The following DIP2C variants were observed in gnomAD, a reference collection of about 807,000 sequenced individuals.
DIP2C encodes the protein disco-interacting protein 2 homolog C.
Under a neutral mutation model 192.4 loss-of-function variants are expected in DIP2C, and 33 were observed. The observed-to-expected ratio is 0.17, with a 90% CI of 0.13 to 0.23. The LOEUF (loss-of-function observed/expected upper bound fraction) is 0.23. Ranked by LOEUF, DIP2C falls within the 10% of genes least tolerant of loss-of-function variation. DIP2C has a pLI of 1.00. For missense variants in DIP2C, 1,537 were observed against 2,110.1 expected (o/e 0.73, Z 5.32); for synonymous variants, 979 against 864.1 (o/e 1.13, Z -2.33).
chr10:574,425 CGAT>C (rs1399622229), intron 1 of DIP2C, among the ~76,000 whole-genome samples: 2 of 152,166 alleles, frequency 1.3e-5, no homozygotes, highest in Admixed American at 6.5e-5. Flanking sequence ...AACATGCTAA[CGAT>C]GAAGCAGAAG....
At chr10:524,318 T>TC (rs1846919231) in intron 1 of DIP2C, among the ~76,000 whole-genome samples, 1 of 152,106 alleles carries the variant, frequency 6.6e-6, no homozygotes, top group African/African-American at 2.4e-5. Context: ...CTTCACAGGG[T>TC]CCCTGCTCAG....
rs113289282 is a variant in DIP2C, at chr10:680,985, G to A, written c.85+8509C>T. On this transcript the variant is annotated intron_variant, in intron 1 of 36. Transcript: ENST00000280886. ...ACCCCAGTTGCATGGTGCAGCCACCGCCTGCGGCCACGGAAATTCCAAGGA... is the reference window on the plus strand; with the variant it reads ...ACCCCAGTTGCATGGTGCAGCCACCACCTGCGGCCACGGAAATTCCAAGGA... Among the ~76,000 whole-genome samples, 1,098 of 148,518 alleles carry A rather than the reference G, an allele frequency of 7.4e-3. 15 individuals carry two copies. Among genetic ancestry groups the A allele is most frequent in the African/African-American group, 0.026 (1,023 of 40,000 alleles).
At chr10:456,353 C>A (rs34587230) in intron 3 of DIP2C, among the ~76,000 whole-genome samples, 1 of 100,168 alleles carries the variant, frequency 1.0e-5, no homozygotes, top group Admixed American at 1.0e-4. Context: ...GAGGGGAGGC[C>A]GTGAGGAGTA....
intron 4 of DIP2C, among the ~76,000 whole-genome samples, chr10:433,290 ATTGT>A (rs1197803596): frequency 6.6e-6 from 1 of 152,236 alleles, no homozygotes; most frequent in Non-Finnish European, 1.5e-5. Context: ...ACATTTAAGG[ATTGT>A]TTTATCTTCT....
intron 1 of DIP2C, chr10:667,891 ACT>A (rs1182420169): frequency 2.0e-5 from 3 of 152,052 alleles, no homozygotes; most frequent in African/African-American, 4.8e-5. Flanking sequence ...CATACAACAC[ACT>A]CATACAGCAC....
chr10:427,782 G>C (rs1004314365), intron 4 of DIP2C, among the ~76,000 whole-genome samples: 8 of 152,204 alleles, frequency 5.3e-5, no homozygotes, highest in African/African-American at 1.9e-4. Context: ...ATGATGTGGA[G>C]AAACTGGGAT....
chr10:553,287 C>A (rs1848675041), intron 1 of DIP2C, among the ~76,000 whole-genome samples: 1 of 152,206 alleles, frequency 6.6e-6, no homozygotes, highest in Non-Finnish European at 1.5e-5. Context: ...CAGAAAAAGC[C>A]TCTGCAGAAA....
At chr10:597,399 G>A (rs916753778) in intron 1 of DIP2C, among the ~76,000 whole-genome samples, 4 of 152,154 alleles carry the variant, frequency 2.6e-5, no homozygotes, top group Non-Finnish European at 5.9e-5. Context: ...TGACTAAGCT[G>A]CCCCTAGAAG....
chr10:627,288 C>G (rs1220590023), intron 1 of DIP2C, among the ~76,000 whole-genome samples: 2 of 152,220 alleles, frequency 1.3e-5, no homozygotes, highest in African/African-American at 4.8e-5. Flanking sequence ...TGCTGTGGGT[C>G]GGGAAACCCT....
chr10:532,664 G>A (rs1242156508), intron 1 of DIP2C, among the ~76,000 whole-genome samples: 4 of 92,168 alleles, frequency 4.3e-5, no homozygotes, highest in African/African-American at 2.4e-4. Context: ...AGAGAGTATG[G>A]GTGTGAGAGA....
chr10:505,429 C>A (rs371668891), intron 1 of DIP2C, among the ~76,000 whole-genome samples: 8 of 152,204 alleles, frequency 5.3e-5, no homozygotes, highest in African/African-American at 1.9e-4. Context: ...AGGTTCTCAA[C>A]CTTTCCAATC....
In DIP2C at chr10:277,566, G is replaced by C. The variant is rs148722843; in HGVS notation, c.4430C>G (p.Thr1477Ser). ...CACAACCACCAACAAATTTGTCCAG[G>C]TAAACACAGCACTAAAAGACAGAAA... ...HKSVTECAVF[T>S]WTNLLVVVVE... The change falls in exon 37 of 37, where the codon ACC becomes AGC. Residue 1477 changes from threonine (T) to serine (S), a missense_variant. Around this residue, in one of 4 missense-constraint regions of DIP2C, gnomAD observed 341 missense variants for 551.7 expected, o/e 0.62. Transcript: ENST00000280886. The C allele has an allele frequency of 6.2e-7, 1 of 1,613,782 alleles. No homozygotes were observed. The highest frequency in any genetic ancestry group is 1.3e-5 in the African/African-American group (1 of 74,878).
intron 4 of DIP2C, among the ~76,000 whole-genome samples, chr10:429,907 G>A (rs903241826): frequency 6.6e-6 from 1 of 152,148 alleles, no homozygotes; most frequent in Admixed American, 6.5e-5. Context: ...GCCAAGGAGT[G>A]TAATTCCTAG....
chr10:398,646 T>C (rs1346198632), intron 10 of DIP2C, among the ~76,000 whole-genome samples: 2 of 152,182 alleles, frequency 1.3e-5, no homozygotes, highest in Non-Finnish European at 2.9e-5. Flanking sequence ...ACAACGCACA[T>C]TAATTTCTTT....
At chr10:304,934 TTGTA>T (rs760100740) in intron 32 of DIP2C, among the ~76,000 whole-genome samples, 4 of 152,150 alleles carry the variant, frequency 2.6e-5, no homozygotes, top group Non-Finnish European at 2.9e-5. Flanking sequence ...TGCTACATAT[TTGTA>T]TGCACACACA....
chr10:545,437 T>G (rs897770036), intron 1 of DIP2C, among the ~76,000 whole-genome samples: 2 of 152,088 alleles, frequency 1.3e-5, no homozygotes, highest in African/African-American at 4.8e-5. Context: ...ATTACAGGTG[T>G]GAGCCACCAC....
In DIP2C at chr10:652,361, G is replaced by C. The variant is rs1201861092; in HGVS notation, c.85+37133C>G. ...ACCTCCCAGCCCGAGGCTGAGAACT[G>C]AGTTCCAGTCCCGGGGTGGGGTGGC... On this transcript the variant is annotated intron_variant, in intron 1 of 36. Transcript: ENST00000280886. This position sits in a 1 kb window ranked among gnomAD's most constrained non-coding sequence, Gnocchi z 4.5. 5.2e-6 allele frequency: 1 copy of C among 192,212 alleles called. No homozygotes were observed. The highest frequency in any genetic ancestry group is 6.5e-5 in the Admixed American group (1 of 15,436). The allele number at this position is 192,212 out of a possible 1,614,324, so 11.9% of individuals were successfully genotyped here.
intron 10 of DIP2C, among the ~76,000 whole-genome samples, chr10:398,587 G>A (rs1323860509): frequency 6.6e-6 from 1 of 152,082 alleles, no homozygotes; most frequent in Non-Finnish European, 1.5e-5. Flanking sequence ...CCTCAACCTT[G>A]GCAAAATAAA....
chr10:595,145 C>T (rs781463825), intron 1 of DIP2C, among the ~76,000 whole-genome samples: 18 of 152,194 alleles, frequency 1.2e-4, no homozygotes, highest in Non-Finnish European at 2.2e-4. Context: ...AAAGGCGAGG[C>T]GCAGGGCCCA....
Sources: gnomAD v4.1 joint callset for allele counts (sites outside exome capture counted in the v4.1 genomes callset) on GRCh38, gnomAD v4.1.1 for gene constraint, gnomAD v4.1.1 regional missense constraint, Gnocchi (gnomAD v3.1) non-coding constraint, MANE v1.5 for transcripts, NCBI Gene and HGNC (gene_info 2026-07-23, HGNC 2026-07-21) for gene names.